Variants in BPGM observed in about 807,000 individuals in gnomAD.
The protein encoded by BPGM is 2,3-bisphosphoglycerate mutase, erythrocyte.
BPGM carries 15 observed loss-of-function variants against 21.6 expected under a neutral mutation model. The ratio of observed to expected loss-of-function variants is 0.70; its 90% CI spans 0.47 to 1.07. BPGM has a LOEUF of 1.07. Among genes scored for constraint, BPGM ranks in the 50% least tolerant of loss-of-function variants. The pLI, the probability that BPGM is intolerant of heterozygous loss-of-function variation, is 0.00. For missense variants in BPGM, 273 were observed against 319.0 expected (o/e 0.86, Z 1.10); for synonymous variants, 113 against 116.2 (o/e 0.97, Z 0.18).
chr7:134,662,037 T>C lies in BPGM; in HGVS notation c.530T>C (p.Val177Ala). Reference protein sequence around the residue: ...PYWNERIAPEVLRGKTILISA... With the variant: ...PYWNERIAPEALRGKTILISA... Reference sequence around the variant, plus strand: ...TGGAATGAAAGGATTGCTCCCGAAGTATTACGTGGCAAAACCATTCTGATA... The same window carrying C: ...TGGAATGAAAGGATTGCTCCCGAAGCATTACGTGGCAAAACCATTCTGATA... Residue 177 changes from valine to alanine, a missense_variant, in exon 2 of 3, where the codon GTA becomes GCA. By Grantham distance (64) the Val-to-Ala change is moderately conservative. Transcript: ENST00000344924. The C allele has an allele frequency of 6.2e-7, 1 of 1,614,156 alleles. No homozygotes were observed. The highest frequency in any genetic ancestry group is 8.5e-7 in the Non-Finnish European group (1 of 1,180,020).
At position 134,679,146 on chromosome 7, in the gene BPGM, A is replaced by T; in HGVS notation, c.*115A>T. The stretch of plus-strand genomic sequence containing the variant: ...TTTCCAGAGCTAGGCTGTGGAGTAG[A>T]GTTTGTATAGGTAACTAGGTAACTT... On this transcript the variant is annotated 3_prime_UTR_variant, in exon 3 of 3. Transcript: ENST00000344924. The T allele has an allele frequency of 3.3e-6, 4 of 1,211,088 alleles. No homozygotes were observed. The South Asian group carries it at 5.4e-5, about 16-fold the overall frequency. 75.0% of individuals were successfully genotyped at this position (1,211,088 alleles called of 1,614,324 possible).
At chr7:134,671,325 G>C (rs1160342220) in intron 2 of BPGM, among the ~76,000 whole-genome samples, 3 of 151,488 alleles carry the variant, frequency 2.0e-5, no homozygotes. Flanking sequence ...TTCATATATA[G>C]GCTTTATGTT....
In BPGM at chr7:134,659,489, C is replaced by T. The variant is rs535840786; in HGVS notation, c.-61-1958C>T. 3.3e-4 allele frequency among the ~76,000 whole-genome samples: 50 copies of T among 152,150 alleles called. 2 individuals carry two copies. The Middle Eastern group carries it at 0.02, about 62-fold the overall frequency. On this transcript the variant is annotated intron_variant, in intron 1 of 2. Transcript: ENST00000344924. ...GATTCATGACTATTCTGCCCCTGGG[C>T]ACAGGCAGTCATCTGGCAAAACACT...
At chr7:134,672,427 G>T (rs1460941555) in intron 2 of BPGM, among the ~76,000 whole-genome samples, 3 of 152,112 alleles carry the variant, frequency 2.0e-5, no homozygotes, top group Admixed American at 6.5e-5. Flanking sequence ...CCCATTGCAA[G>T]AATTTAGTGA....
In BPGM at chr7:134,661,128, C is replaced by T. The variant is rs796598779; in HGVS notation, c.-61-319C>T. ...ACGTCTGTAACTCATTCTATTAAATCCTTTCTACTGTAAGCATAAATTGCC... is the reference window on the plus strand; with the variant it reads ...ACGTCTGTAACTCATTCTATTAAATTCTTTCTACTGTAAGCATAAATTGCC... On this transcript the variant is annotated intron_variant, in intron 1 of 2. Transcript: ENST00000344924. The surrounding 1 kb of genome is among the most constrained non-coding windows in gnomAD (Gnocchi z 4.6). 2.6e-4 allele frequency among the ~76,000 whole-genome samples: 39 copies of T among 152,196 alleles called. No individual in the cohort carries two copies. The highest frequency in any genetic ancestry group is 9.4e-4 in the African/African-American group (39 of 41,518).
intron 2 of BPGM, among the ~76,000 whole-genome samples, chr7:134,673,418 T>C (rs1795937549): frequency 6.6e-6 from 1 of 152,192 alleles, no homozygotes; most frequent in Non-Finnish European, 1.5e-5. Context: ...TTTATTTGGC[T>C]CTTTAATTTG....
At chr7:134,648,153 C>G (rs11976740) in intron 1 of BPGM, among the ~76,000 whole-genome samples, 82,867 of 143,798 alleles carry the variant, frequency 0.58, 24,611 homozygotes, top group East Asian at 0.88. Context: ...GTTTTGTTTT[C>G]AGACGGAGTT....
intron 1 of BPGM, among the ~76,000 whole-genome samples, chr7:134,650,651 G>A (rs933913332): frequency 6.6e-6 from 1 of 152,190 alleles, no homozygotes; most frequent in African/African-American, 2.4e-5. Context: ...GGCCGAGCAC[G>A]GTGGCTCACG....
At chr7:134,677,732 T>A (rs752886026) in intron 2 of BPGM, among the ~76,000 whole-genome samples, 2 of 149,452 alleles carry the variant, frequency 1.3e-5, no homozygotes, top group Non-Finnish European at 3.0e-5. Context: ...TTTAGAAGTC[T>A]ATGTGATTAA....
chr7:134,649,093 T>G (rs1795514309), intron 1 of BPGM, among the ~76,000 whole-genome samples: 1 of 152,248 alleles, frequency 6.6e-6, no homozygotes, highest in Non-Finnish European at 1.5e-5. Flanking sequence ...ATAGGGTAGC[T>G]GTCACCAAAA....
chr7:134,677,686 T>C (rs184518980), intron 2 of BPGM, among the ~76,000 whole-genome samples: 2 of 152,370 alleles, frequency 1.3e-5, no homozygotes, highest in African/African-American at 4.8e-5. Flanking sequence ...CCTAGGTCCT[T>C]TCTGTTAATA....
Position 134,670,312 on chromosome 7 carries a change from G to C in BPGM, c.601+8204G>C, listed in dbSNP as rs543593935. On this transcript the variant is annotated intron_variant, in intron 2 of 2. Transcript: ENST00000344924. ...GGAAAGGTCAGCTGGGACTAGCTGT[G>C]GGGACGGGGACTGATGAGTTGGTTA... Among the ~76,000 whole-genome samples, 3 of 152,304 alleles carry C rather than the reference G, an allele frequency of 2.0e-5. No individual in the cohort carries two copies. In the East Asian group the frequency reaches 5.8e-4, roughly 29 times the overall value.
chr7:134,655,232 G>T (rs901936928), intron 1 of BPGM, among the ~76,000 whole-genome samples: 1 of 152,162 alleles, frequency 6.6e-6, no homozygotes, highest in Admixed American at 6.5e-5. Context: ...TTCTTAGTAA[G>T]GTTCCTCTTT....
intron 1 of BPGM, among the ~76,000 whole-genome samples, chr7:134,652,325 T>A (rs1030643428): frequency 5.9e-5 from 9 of 152,270 alleles, no homozygotes; most frequent in Non-Finnish European, 1.0e-4. Flanking sequence ...TTTTAAAAAA[T>A]TTACATTTTT....
At position 134,648,121 on chromosome 7, in the gene BPGM, C is replaced by CTTTCG. The variant is rs1554409859; in HGVS notation, c.-62+1187_-62+1188insCGTTT. Among the ~76,000 whole-genome samples the CTTTCG allele has an allele frequency of 3.3e-3, 436 of 131,180 alleles. 3 individuals carry two copies. The highest frequency in any genetic ancestry group is 0.013 in the African/African-American group (413 of 32,102). 86.1% of individuals were successfully genotyped at this position (131,180 alleles called of 152,430 possible). ...CCTTGTCTTTTTTCTTTCTTTCTTTCTTTTGTTTTGGTTTTTTTTTTGTTT... is the reference window on the plus strand; with the variant it reads ...CCTTGTCTTTTTTCTTTCTTTCTTTCTTTCGTTTTGTTTTGGTTTTTTTTTTGTTT... On this transcript the variant is annotated intron_variant, in intron 1 of 2. Transcript: ENST00000344924.
At chr7:134,664,430 C>A (rs930164605) in intron 2 of BPGM, among the ~76,000 whole-genome samples, 1 of 152,188 alleles carries the variant, frequency 6.6e-6, no homozygotes, top group Non-Finnish European at 1.5e-5. Flanking sequence ...TTCTTATCCA[C>A]ATTTCCCCTT....
intron 2 of BPGM, among the ~76,000 whole-genome samples, chr7:134,665,508 A>G (rs1304420834): frequency 1.5e-5 from 1 of 66,026 alleles, no homozygotes; most frequent in Non-Finnish European, 2.6e-5. Flanking sequence ...AGATATACCT[A>G]ATGCTAGATG....
At chr7:134,676,281 T>C (rs547379529) in intron 2 of BPGM, among the ~76,000 whole-genome samples, 3 of 152,348 alleles carry the variant, frequency 2.0e-5, no homozygotes, top group African/African-American at 7.2e-5. Context: ...TAATAGTTGG[T>C]GACACTGCAA....
At chr7:134,649,056 A>T (rs752323592) in intron 1 of BPGM, among the ~76,000 whole-genome samples, 4 of 152,230 alleles carry the variant, frequency 2.6e-5, no homozygotes, top group Non-Finnish European at 4.4e-5. Context: ...TGACATAGGC[A>T]TGCAATGCAT....
Sources: allele counts gnomAD v4.1 joint callset (sites outside exome capture counted in the v4.1 genomes callset), GRCh38; gene constraint gnomAD v4.1.1; non-coding constraint Gnocchi (gnomAD v3.1); transcripts MANE v1.5; gene names NCBI Gene and HGNC (gene_info 2026-07-23, HGNC 2026-07-21).